SOS1: variants seen among roughly 807,000 people sequenced by gnomAD.
The protein encoded by SOS1 is son of sevenless homolog 1.
Under a neutral mutation model 157.6 loss-of-function variants are expected in SOS1, and 25 were observed. The ratio of observed to expected loss-of-function variants is 0.16; its 90% confidence interval spans 0.12 to 0.22. SOS1 has a LOEUF of 0.22. SOS1 is among the 10% of genes least tolerant of loss of function. The pLI, the probability that SOS1 is intolerant of heterozygous loss-of-function variation, is 1.00. For missense variants in SOS1, 1,237 were observed against 1,599.1 expected, an observed-to-expected ratio of 0.77 and a Z score of 3.86; for synonymous variants, 528 against 534.0, an observed-to-expected ratio of 0.99 and a Z score of 0.16.
At chr2:39,020,848 G>C (rs901472848) in intron 10 of SOS1, among the ~76,000 whole-genome samples, 6 of 151,484 alleles carry the variant, frequency 4.0e-5, no homozygotes, top group African/African-American at 1.5e-4. Context: ...ATATATTTAT[G>C]ACATAAATTA....
intron 17 of SOS1, among the ~76,000 whole-genome samples, chr2:39,004,152 AAG>A (rs1156577343): frequency 2.4e-3 from 359 of 152,312 alleles, no homozygotes; most frequent in African/African-American, 8.2e-3. Context: ...GCGGTGGCTC[AAG>A]CCTGTAATCC....
intron 1 of SOS1, among the ~76,000 whole-genome samples, chr2:39,074,025 G>A (rs1362047210): frequency 6.6e-6 from 1 of 152,128 alleles, no homozygotes; most frequent in Admixed American, 6.5e-5. Context: ...TAAAAAACAA[G>A]GCAAAAATCT....
chr2:39,077,713 T>C (rs1672064204), intron 1 of SOS1, among the ~76,000 whole-genome samples: 1 of 152,158 alleles, frequency 6.6e-6, no homozygotes, highest in Admixed American at 6.6e-5. Flanking sequence ...GCCAGTAGTA[T>C]AGATTCATGA....
intron 17 of SOS1, 33 bp downstream of exon 17, chr2:39,006,379 A>C: frequency 1.0e-6 from 1 of 985,718 alleles, no homozygotes; most frequent in Non-Finnish European, 1.6e-6. Flanking sequence ...TTTTATCCAG[A>C]AATGCAATAA....
intron 1 of SOS1, among the ~76,000 whole-genome samples, chr2:39,071,900 C>G (rs1356854308): frequency 4.0e-5 from 6 of 150,644 alleles, no homozygotes; most frequent in Non-Finnish European, 8.8e-5. Context: ...TTTTTATCTG[C>G]CTATTTGGCT....
At chr2:39,013,069 TTAGACA>T (rs1669521158) in intron 13 of SOS1, among the ~76,000 whole-genome samples, 1 of 152,132 alleles carries the variant, frequency 6.6e-6, no homozygotes, top group African/African-American at 2.4e-5. Context: ...AGTGGCAGTG[TTAGACA>T]TAGAGTCTCA....
chr2:39,007,088 A>C lies in SOS1; in HGVS notation c.2616T>G (p.Leu872=), dbSNP rs768058218. The change falls in exon 16 of 23, where the codon CTT becomes CTG. Residue 872 remains leucine (L), a synonymous_variant. Transcript: ENST00000402219. Reference sequence around the variant, plus strand: ...ATGAATTCATAGCACTGACAACCTCAAGGACACCATTAAAGTTGTTCAACT... The same window carrying C: ...ATGAATTCATAGCACTGACAACCTCCAGGACACCATTAAAGTTGTTCAACT... ...FQELNNFNGV[L]EVVSAMNSSP... is the part of the protein sequence containing the mutation. 27 of 1,610,042 alleles carry C rather than the reference A, an allele frequency of 1.7e-5. No individual in the cohort carries two copies. In the South Asian group the frequency reaches 2.6e-4, roughly 16 times the overall value.
At chr2:39,093,802 C>T (rs912094308) in intron 1 of SOS1, among the ~76,000 whole-genome samples, 1 of 152,170 alleles carries the variant, frequency 6.6e-6, no homozygotes, top group African/African-American at 2.4e-5. Context: ...AAGGCCTTTC[C>T]AGTCTCTTTA....
upstream of SOS1, among the ~76,000 whole-genome samples, chr2:39,122,187 T>C (rs905829383): frequency 6.6e-5 from 10 of 152,090 alleles, no homozygotes; most frequent in Non-Finnish European, 1.2e-4. Context: ...CCCAGCACTT[T>C]AGGAGGCCGA....
intron 1 of SOS1, among the ~76,000 whole-genome samples, chr2:39,110,800 A>C (rs1331131206): frequency 6.6e-6 from 1 of 152,232 alleles, no homozygotes; most frequent in Non-Finnish European, 1.5e-5. Context: ...ATTTGACTCC[A>C]TCAGTATTAA....
chr2:39,029,841 T>C (rs1238938352), intron 8 of SOS1, among the ~76,000 whole-genome samples: 3 of 152,142 alleles, frequency 2.0e-5, no homozygotes, highest in African/African-American at 7.2e-5. Context: ...TTTAGAAAGC[T>C]GGTTCAAGGG....
At chr2:39,080,295 C>T (rs1282758327) in intron 1 of SOS1, among the ~76,000 whole-genome samples, 1 of 151,934 alleles carries the variant, frequency 6.6e-6, no homozygotes, top group African/African-American at 2.4e-5. Flanking sequence ...GAATCTGATG[C>T]CTCCACTGAT....
At chr2:39,101,811 A>T (rs1196362152) in intron 1 of SOS1, among the ~76,000 whole-genome samples, 1 of 152,212 alleles carries the variant, frequency 6.6e-6, no homozygotes, top group African/African-American at 2.4e-5. Context: ...GGTGAAGGTG[A>T]GGGAACAGCT....
In SOS1 at chr2:39,051,162, G is replaced by A; in HGVS notation, c.846C>T (p.Cys282=). The A allele has an allele frequency of 6.2e-7, 1 of 1,613,766 alleles. No individual in the cohort carries two copies. The highest frequency in any genetic ancestry group is 8.5e-7 in the Non-Finnish European group (1 of 1,179,752). ...EGSPHPLVGS[C]FEDLAEELAF... ...TACTTACCTCTGCTAAGTCTTCAAA[G>A]CAGCTTCCTACTAGTGGATGGGGAC... The change falls in exon 6 of 23, where the codon TGC becomes TGT. Residue 282 remains cysteine (C), a synonymous_variant. Coordinates refer to ENST00000402219, the MANE Select transcript of SOS1 (RefSeq NM_005633.4).
chr2:39,108,775 C>T lies in SOS1; in HGVS notation c.87+11561G>A, dbSNP rs936655051. 5.9e-5 allele frequency among the ~76,000 whole-genome samples: 9 copies of T among 152,142 alleles called. No homozygotes were observed. In the East Asian group the frequency reaches 1.7e-3, roughly 29 times the overall value. ...AGGAGTGGTGGTACACACCTGTAGTCCTAGCTACCTGGGAGGCTGAGGTGC... is the reference window on the plus strand; with the variant it reads ...AGGAGTGGTGGTACACACCTGTAGTTCTAGCTACCTGGGAGGCTGAGGTGC... On this transcript the variant is annotated intron_variant, in intron 1 of 22. Coordinates refer to ENST00000402219, the MANE Select transcript of SOS1 (RefSeq NM_005633.4).
chr2:39,005,957 T>C (rs934529995), intron 17 of SOS1, among the ~76,000 whole-genome samples: 5 of 152,100 alleles, frequency 3.3e-5, no homozygotes, highest in African/African-American at 1.2e-4. Context: ...AAAAGGTACT[T>C]CCTTCCTCTG....
chr2:39,086,216 AAT>A (rs371338874), intron 1 of SOS1, among the ~76,000 whole-genome samples: 118 of 152,302 alleles, frequency 7.7e-4, no homozygotes, highest in African/African-American at 2.8e-3. Context: ...GGGTGAGCAG[AAT>A]TTAGGTGAAA....
At chr2:39,096,840 C>T (rs147430508) in intron 1 of SOS1, among the ~76,000 whole-genome samples, 6 of 151,482 alleles carry the variant, frequency 4.0e-5, no homozygotes, top group African/African-American at 1.2e-4. Context: ...GAGCCGAGAT[C>T]GCGCCACTGC....
chr2:39,108,829 G>A (rs1460356404), intron 1 of SOS1, among the ~76,000 whole-genome samples: 2 of 151,964 alleles, frequency 1.3e-5, no homozygotes, highest in Non-Finnish European at 2.9e-5. Context: ...GAGGTTCAAG[G>A]TTACAGTGAG....
Sources: allele counts gnomAD v4.1 joint callset (sites outside exome capture counted in the v4.1 genomes callset), GRCh38; gene constraint gnomAD v4.1.1; transcripts MANE v1.5; gene names NCBI Gene and HGNC (gene_info 2026-07-23, HGNC 2026-07-21).